Variants in COL19A1 observed in about 807,000 individuals in gnomAD.
The protein encoded by COL19A1 is collagen type XIX alpha 1 chain.
A neutral mutation model predicts 190.2 loss-of-function variants in COL19A1; 159 were observed. The observed-to-expected ratio is 0.84, with a 90% CI of 0.73 to 0.95. The LOEUF (loss-of-function observed/expected upper bound fraction) is 0.95, where lower values mean the gene tolerates loss of function less well. COL19A1 is among the 40% of genes least tolerant of loss of function. COL19A1 has a pLI of 0.00. For missense variants in COL19A1, 1,418 were observed against 1,431.9 expected, an observed-to-expected ratio of 0.99 and a Z score of 0.16; for synonymous variants, 509 against 458.9, an observed-to-expected ratio of 1.11 and a Z score of -1.39.
chr6:70,074,603 A>G (rs943513787), intron 15 of COL19A1, among the ~76,000 whole-genome samples: 1 of 152,052 alleles, frequency 6.6e-6, no homozygotes, highest in African/African-American at 2.4e-5. Flanking sequence ...TCATTGTTCC[A>G]ATGAAATGAT....
intron 11 of COL19A1, among the ~76,000 whole-genome samples, chr6:69,993,574 T>C (rs997588383): frequency 3.3e-5 from 5 of 152,084 alleles, no homozygotes; most frequent in African/African-American, 1.2e-4. Context: ...TGGCTGTGGA[T>C]CTACCTGGCC....
chr6:70,123,924 C>T (rs1468545061), intron 17 of COL19A1, among the ~76,000 whole-genome samples: 2 of 148,368 alleles, frequency 1.3e-5, no homozygotes, highest in Non-Finnish European at 3.0e-5. Flanking sequence ...AACTAACCTG[C>T]AATTGTGCAC....
At chr6:70,037,284 TA>T (rs1288048813) in intron 14 of COL19A1, among the ~76,000 whole-genome samples, 5 of 152,070 alleles carry the variant, frequency 3.3e-5, no homozygotes, top group Admixed American at 6.6e-5. Flanking sequence ...GCCTCCTGAG[TA>T]GCTGGGACTA....
At chr6:70,115,164 C>T (rs1022664548) in intron 16 of COL19A1, among the ~76,000 whole-genome samples, 2 of 152,192 alleles carry the variant, frequency 1.3e-5, no homozygotes, top group African/African-American at 4.8e-5. Context: ...CTGTCCTTAG[C>T]CCCCAAGGGC....
At chr6:70,059,714 G>T (rs758967117) in intron 14 of COL19A1, 2 of 458,580 alleles carry the variant, frequency 4.4e-6, no homozygotes, top group South Asian at 1.7e-5. Context: ...TGTGTTAAAC[G>T]GAAAATGAAT....
chr6:69,882,127 C>T (rs1371384185), intron 2 of COL19A1, among the ~76,000 whole-genome samples: 1 of 152,084 alleles, frequency 6.6e-6, no homozygotes, highest in Non-Finnish European at 1.5e-5. Context: ...AAATATATGA[C>T]AGATAGATTG....
At chr6:70,032,382 G>A (rs570061164) in intron 12 of COL19A1, among the ~76,000 whole-genome samples, 18 of 152,242 alleles carry the variant, frequency 1.2e-4, no homozygotes, top group African/African-American at 4.3e-4. Context: ...TAAAAGTTTG[G>A]TGATGGAGAG....
At chr6:69,992,522 T>C (rs1776685008) in intron 11 of COL19A1, among the ~76,000 whole-genome samples, 1 of 152,142 alleles carries the variant, frequency 6.6e-6, no homozygotes, top group Non-Finnish European at 1.5e-5. Context: ...GAAATAGCAT[T>C]GAATCTATAA....
intron 2 of COL19A1, among the ~76,000 whole-genome samples, chr6:69,897,217 C>T (rs1769842625): frequency 6.6e-6 from 1 of 152,186 alleles, no homozygotes; most frequent in East Asian, 1.9e-4. Flanking sequence ...GACCCAGCAC[C>T]GTTTAGTAAA....
At chr6:70,193,839 C>G (rs564579712) in intron 48 of COL19A1, among the ~76,000 whole-genome samples, 1 of 152,278 alleles carries the variant, frequency 6.6e-6, no homozygotes, top group Admixed American at 6.5e-5. Context: ...ACTTAGAAAT[C>G]ACTTTTTCCA....
chr6:70,168,004 G>A, intron 37 of COL19A1, 21 bp from the exon 38 acceptor site: 1 of 1,555,776 alleles, frequency 6.4e-7, no homozygotes, highest in Non-Finnish European at 8.8e-7. Flanking sequence ...GAATAATTCT[G>A]TATCTCACCT....
intron 46 of COL19A1, among the ~76,000 whole-genome samples, chr6:70,185,237 T>G (rs1562253726): frequency 6.6e-6 from 1 of 152,178 alleles, no homozygotes; most frequent in Non-Finnish European, 1.5e-5. Flanking sequence ...TAGAGTAAGG[T>G]TTCTCAACCT....
rs1445143827 is a variant in COL19A1 at position 70,209,961 on chromosome 6, T to C, written c.*2687T>C. ...TTGGGCCCCAAAGTAGGGTGGGAAG[T>C]TTTCCTCTAAATGACTTGATGGTTG... On this transcript the variant is annotated 3_prime_UTR_variant, in exon 51 of 51. Transcript: ENST00000620364. The C allele has an allele frequency of 6.6e-6, 1 of 152,130 alleles. No homozygotes were observed. Among genetic ancestry groups the C allele is most frequent in the Admixed American group, 6.5e-5 (1 of 15,268 alleles). 9.4% of individuals were successfully genotyped at this position (152,130 alleles called of 1,614,324 possible).
chr6:69,919,860 T>C (rs1016397237), intron 4 of COL19A1, among the ~76,000 whole-genome samples: 2 of 152,106 alleles, frequency 1.3e-5, no homozygotes, highest in African/African-American at 2.4e-5. Flanking sequence ...AGGCTATAGG[T>C]TGGGAGTTCT....
chr6:70,137,957 A>T (rs2150230956), intron 19 of COL19A1, among the ~76,000 whole-genome samples: 1 of 152,296 alleles, frequency 6.6e-6, no homozygotes, highest in Non-Finnish European at 1.5e-5. Context: ...CCATAAGGTC[A>T]TCTATTATCA....
intron 41 of COL19A1, among the ~76,000 whole-genome samples, chr6:70,173,662 A>G (rs1188403345): frequency 2.0e-5 from 3 of 152,194 alleles, no homozygotes; most frequent in African/African-American, 7.2e-5. Context: ...ATATGGTAGG[A>G]ACAACCGTGG....
chr6:69,929,472 T>G lies in COL19A1; in HGVS notation c.438T>G (p.Phe146Leu), dbSNP rs768914724. 1 of 1,614,018 alleles carries G rather than the reference T, an allele frequency of 6.2e-7. No individual in the cohort carries two copies. The highest frequency in any genetic ancestry group is 8.5e-7 in the Non-Finnish European group (1 of 1,179,940). Residue 146 changes from phenylalanine (F) to leucine (L), a missense_variant, in exon 6 of 51, where the codon TTT becomes TTG. Transcript: ENST00000620364. Reference protein sequence around the residue: ...DGGKKVVEFMFQATEGDVLNY... With the variant: ...DGGKKVVEFMLQATEGDVLNY... ...GAAAGAAGGTGGTGGAATTTATGTT[T>G]CAAGCCACAGAGGGAGATGTGTTGA...
intron 15 of COL19A1, among the ~76,000 whole-genome samples, chr6:70,075,016 A>T (rs1252949798): frequency 6.6e-6 from 1 of 152,222 alleles, no homozygotes; most frequent in Non-Finnish European, 1.5e-5. Flanking sequence ...TAACACGTTA[A>T]ATGTTCTGTA....
chr6:70,136,830 C>T (rs766781903), intron 18 of COL19A1, among the ~76,000 whole-genome samples: 6 of 151,842 alleles, frequency 4.0e-5, no homozygotes, highest in African/African-American at 9.7e-5. Flanking sequence ...TAGGCAAAAA[C>T]GGTATATGCT....
Sources: allele counts gnomAD v4.1 joint callset (sites outside exome capture counted in the v4.1 genomes callset), GRCh38; gene constraint gnomAD v4.1.1; transcripts MANE v1.5; gene names NCBI Gene and HGNC (gene_info 2026-07-23, HGNC 2026-07-21).